STK32C: variants seen among roughly 807,000 people sequenced by gnomAD.
The protein encoded by STK32C is serine/threonine kinase 32C, also known as serine/threonine-protein kinase 32C.
A neutral mutation model predicts 56.5 loss-of-function variants in STK32C; 31 were observed. The observed-to-expected ratio is 0.55, with a 90% confidence interval of 0.41 to 0.74. The LOEUF is 0.74. STK32C is among the 30% of genes least tolerant of loss of function. STK32C has a pLI of 0.00. For synonymous variants in STK32C, 309 were observed against 289.4 expected (o/e 1.07, Z -0.69); for missense variants, 544 against 676.9 (o/e 0.80, Z 2.18).
chr10:132,235,845 G>A lies in STK32C; in HGVS notation c.319-7717C>T, dbSNP rs1021604378. 1.4e-4 allele frequency among the ~76,000 whole-genome samples: 21 copies of A among 152,192 alleles called. 1 individual carries two copies. Among genetic ancestry groups the A allele is most frequent in the African/African-American group, 4.6e-4 (19 of 41,440 alleles). On this transcript the variant is annotated intron_variant, in intron 2 of 11. Coordinates refer to ENST00000298630, the MANE Select transcript of STK32C (RefSeq NM_173575.4). ...GCAGTGTGATGGGATCGTAAAGACCGTTGTTTCAGGTGTGGAAAAATACCG... is the reference window on the plus strand; with the variant it reads ...GCAGTGTGATGGGATCGTAAAGACCATTGTTTCAGGTGTGGAAAAATACCG...
intron 1 of STK32C, among the ~76,000 whole-genome samples, chr10:132,268,595 A>G (rs562283954): frequency 3.0e-4 from 41 of 136,228 alleles, no homozygotes; most frequent in Admixed American, 2.1e-3. Flanking sequence ...ATGCAGGTTC[A>G]GCTCTATGCC....
Position 132,221,222 on chromosome 10 carries a change from G to A in STK32C, c.1251+1419C>T, listed in dbSNP as rs566974108. 9.1e-4 allele frequency among the ~76,000 whole-genome samples: 130 copies of A among 142,746 alleles called. 1 individual carries two copies. Among genetic ancestry groups the A allele is most frequent in the African/African-American group, 1.2e-3 (45 of 37,974 alleles). 93.6% of individuals were successfully genotyped at this position (142,746 alleles called of 152,430 possible). The stretch of plus-strand genomic sequence containing the variant: ...TGTCCCGGCACACACACCTGATGCT[G>A]ACGCACCTGGGCTAGTCTGAGGGCT... On this transcript the variant is annotated intron_variant, in intron 10 of 11. Coordinates refer to ENST00000298630, the MANE Select transcript of STK32C (RefSeq NM_173575.4).
intron 1 of STK32C, among the ~76,000 whole-genome samples, chr10:132,253,574 G>GGAGGGAGCTGGAGGGAGCC (rs1329282383): frequency 6.7e-4 from 86 of 127,838 alleles, no homozygotes; most frequent in African/African-American, 2.2e-3. Flanking sequence ...CGAGGGAGCT[G>GGAGGGAGCTGGAGGGAGCC]GAGGGAGCTG....
At position 132,225,312 on chromosome 10, in the gene STK32C, A is replaced by C; in HGVS notation, c.797T>G (p.Val266Gly). 1 of 1,612,060 alleles carries C rather than the reference A, an allele frequency of 6.2e-7. No individual in the cohort carries two copies. Residue 266 changes from valine to glycine, a missense_variant, in exon 7 of 12, where the codon GTC becomes GGC. Physicochemically the swap from Val to Gly is moderately radical, Grantham distance 109 (BLOSUM62 -3). Coordinates refer to ENST00000298630, the MANE Select transcript of STK32C (RefSeq NM_173575.4). ...YMAPEIFHSF[V>G]NGGTGYSFEV... is the part of the protein sequence containing the mutation. ...GAAGGAGTAGCCGGTCCCGCCGTTG[A>C]CAAAAGAGTGGAAGATCTCCGGAGC...
At chr10:132,312,571 G>T (rs946945801), upstream of STK32C, among the ~76,000 whole-genome samples, 1 of 152,136 alleles carries the variant, frequency 6.6e-6, no homozygotes, top group Non-Finnish European at 1.5e-5. Context: ...AATAAAAAGA[G>T]TCATCGGTCC....
chr10:132,236,936 G>A (rs1351658386), intron 2 of STK32C, among the ~76,000 whole-genome samples: 5 of 152,142 alleles, frequency 3.3e-5, no homozygotes, highest in South Asian at 2.1e-4. Context: ...GGCCTGCCAC[G>A]CGCCCGCCAA....
chr10:132,231,474 T>C (rs969351687), intron 2 of STK32C, among the ~76,000 whole-genome samples: 21 of 152,218 alleles, frequency 1.4e-4, no homozygotes, highest in African/African-American at 5.1e-4. Flanking sequence ...TCTTCCTATA[T>C]GCCAGCCCCA....
At chr10:132,273,470 G>A (rs2064894263) in intron 1 of STK32C, among the ~76,000 whole-genome samples, 1 of 151,988 alleles carries the variant, frequency 6.6e-6, no homozygotes, top group African/African-American at 2.4e-5. Flanking sequence ...CACAGTGAGT[G>A]AATGGTGAGT....
chr10:132,240,332 G>T (rs2137868059), intron 2 of STK32C, among the ~76,000 whole-genome samples: 1 of 152,354 alleles, frequency 6.6e-6, no homozygotes, highest in Middle Eastern at 3.4e-3. Context: ...CTCAGCCACG[G>T]TGTCACAGTC....
intron 1 of STK32C, among the ~76,000 whole-genome samples, chr10:132,286,153 C>T (rs2065399743): frequency 6.6e-6 from 1 of 151,502 alleles, no homozygotes; most frequent in Non-Finnish European, 1.5e-5. Context: ...AATAATACAA[C>T]TTCATGCAAC....
intron 1 of STK32C, among the ~76,000 whole-genome samples, chr10:132,314,064 C>T (rs2066270333): frequency 6.6e-6 from 1 of 152,230 alleles, no homozygotes. Flanking sequence ...TCTGTCAGAA[C>T]TCAGCCAGCC....
chr10:132,208,756 T>TG (rs3215025), intron 11 of STK32C, among the ~76,000 whole-genome samples: 6,327 of 152,094 alleles, frequency 0.042, 272 homozygotes, highest in East Asian at 0.22. Flanking sequence ...GTGGCTCTGA[T>TG]GGGGCCTCCT....
chr10:132,210,102 A>G (rs995380506), intron 10 of STK32C, among the ~76,000 whole-genome samples: 7 of 152,208 alleles, frequency 4.6e-5, no homozygotes, highest in Admixed American at 2.0e-4. Flanking sequence ...CCCCCATGCG[A>G]TTGGCCAGTG....
At chr10:132,230,735 G>T (rs1043546299) in intron 2 of STK32C, among the ~76,000 whole-genome samples, 1 of 141,836 alleles carries the variant, frequency 7.1e-6, no homozygotes, top group African/African-American at 2.7e-5. Flanking sequence ...AGCACCCGCA[G>T]CCCAAGGCCG....
At chr10:132,237,083 G>GCCA (rs976524157) in intron 2 of STK32C, among the ~76,000 whole-genome samples, 5 of 152,224 alleles carry the variant, frequency 3.3e-5, no homozygotes, top group Admixed American at 6.5e-5. Flanking sequence ...TTGGTCTCTG[G>GCCA]CCACAGCCTC....
chr10:132,234,231 C>A lies in STK32C; in HGVS notation c.319-6103G>T, dbSNP rs900859519. 2.6e-5 allele frequency among the ~76,000 whole-genome samples: 4 copies of A among 152,154 alleles called. No homozygotes were observed. In the South Asian group the frequency reaches 8.3e-4, roughly 32 times the overall value. On this transcript the variant is annotated intron_variant, in intron 2 of 11. Transcript: ENST00000298630. Reference sequence around the variant, plus strand: ...ATAATCCGTGATCCATCTTGAGGGCCACCCTCCATGCTGCCCGAGCTTGAC... The same window carrying A: ...ATAATCCGTGATCCATCTTGAGGGCAACCCTCCATGCTGCCCGAGCTTGAC...
At chr10:132,269,038 C>G (rs1385554989) in intron 1 of STK32C, among the ~76,000 whole-genome samples, 1 of 121,950 alleles carries the variant, frequency 8.2e-6, no homozygotes, top group Non-Finnish European at 1.7e-5. Context: ...TGTCCCACAT[C>G]GTGTGTGTGT....
At chr10:132,306,624 C>T (rs960800177) in intron 1 of STK32C, among the ~76,000 whole-genome samples, 1 of 152,254 alleles carries the variant, frequency 6.6e-6, no homozygotes, top group Non-Finnish European at 1.5e-5. Context: ...CTCCTGAGCG[C>T]TGGGCTCTAA....
chr10:132,243,818 C>T (rs1309842163), intron 2 of STK32C, among the ~76,000 whole-genome samples: 7 of 152,196 alleles, frequency 4.6e-5, no homozygotes, highest in Admixed American at 1.3e-4. Flanking sequence ...AATGCTGCGC[C>T]GCCCTGAACG....
Sources: allele counts gnomAD v4.1 joint callset (sites outside exome capture counted in the v4.1 genomes callset), GRCh38; gene constraint gnomAD v4.1.1; transcripts MANE v1.5; gene names NCBI Gene and HGNC (gene_info 2026-07-23, HGNC 2026-07-21).